ADGRE3: variants seen among roughly 807,000 people sequenced by gnomAD.
ADGRE3 encodes adhesion G protein-coupled receptor E3, also known as EGF-like module receptor 3.
In ADGRE3, 88 loss-of-function variants were observed where a neutral mutation model predicts 80.1. The ratio of observed to expected loss-of-function variants is 1.10; its 90% confidence interval spans 0.93 to 1.31. The LOEUF (loss-of-function observed/expected upper bound fraction) is 1.31, where lower values mean the gene tolerates loss of function less well. Among genes scored for constraint, ADGRE3 ranks in the 40% most tolerant of loss-of-function variants. The probability of loss-of-function intolerance (pLI) is 0.00; values close to 1 mark genes in which losing one functional copy is unlikely to be tolerated. For missense variants in ADGRE3, 715 were observed against 776.5 expected (o/e 0.92, Z 0.94); for synonymous variants, 281 against 294.8 (o/e 0.95, Z 0.48).
chr19:14,668,852 C>T lies in ADGRE3; in HGVS notation c.26G>A (p.Gly9Asp). The T allele has an allele frequency of 6.2e-7, 1 of 1,613,818 alleles. No individual in the cohort carries two copies. Among genetic ancestry groups the T allele is most frequent in the Non-Finnish European group, 8.5e-7 (1 of 1,179,910 alleles). MQGPLLLP[G>D]LCFLLSLFGA... ...AAAGAGGCTCAGCAGAAAGCAGAGGCCTGGAATAGATGGGAAACAGAAGGG... is the reference window on the plus strand; with the variant it reads ...AAAGAGGCTCAGCAGAAAGCAGAGGTCTGGAATAGATGGGAAACAGAAGGG... The change falls in exon 2 of 16, where the codon GGC becomes GAC. Residue 9 changes from glycine to aspartate, a missense_variant and splice_region_variant. Physicochemically the swap from Gly to Asp is moderately conservative, Grantham distance 94. Coordinates refer to ENST00000253673, the MANE Select transcript of ADGRE3 (RefSeq NM_032571.5).
intron 2 of ADGRE3, among the ~76,000 whole-genome samples, chr19:14,666,079 T>C (rs1568500954): frequency 6.7e-6 from 1 of 149,046 alleles, no homozygotes; most frequent in Non-Finnish European, 1.5e-5. Flanking sequence ...TGCAAGTATG[T>C]TTTTTGTACA....
In ADGRE3 at chr19:14,647,434, C is replaced by T. The variant is rs1387201012; in HGVS notation, c.698-69G>A. On this transcript the variant is annotated intron_variant, in intron 7 of 15. Coordinates refer to ENST00000253673, the MANE Select transcript of ADGRE3 (RefSeq NM_032571.5). ...TCTTTTTTTTTTTTTTTTTTTGAGA[C>T]GGAGTCTCGCTCTTGTCGCCCAGCC... 27 of 1,085,574 alleles carry T rather than the reference C, an allele frequency of 2.5e-5. 1 individual carries two copies. The East Asian group carries it at 2.7e-4, about 11-fold the overall frequency. The allele number at this position is 1,085,574 out of a possible 1,614,324, so 67.2% of individuals were successfully genotyped here.
At position 14,625,226 on chromosome 19, in the gene ADGRE3, C is replaced by A. The variant is rs1970704882; in HGVS notation, c.1920+266G>T. On this transcript the variant is annotated intron_variant, in intron 15 of 15. Coordinates refer to ENST00000253673, the MANE Select transcript of ADGRE3 (RefSeq NM_032571.5). ...AACTCCTGACCTCAGGTGATGCACC[C>A]ACCTTGGCCTCCCAAAATGCTGGGA... Among the ~76,000 whole-genome samples, 7 of 152,212 alleles carry A rather than the reference C, an allele frequency of 4.6e-5. No homozygotes were observed. The South Asian group carries it at 1.4e-3, about 32-fold the overall frequency.
At chr19:14,608,948 C>T in the ADGRE3 span, among the ~76,000 whole-genome samples, 12 of 151,892 alleles carry the variant, frequency 7.9e-5, no homozygotes, top group African/African-American at 1.9e-4. Flanking sequence ...TACAGGCGCC[C>T]GCCACCATGC....
At chr19:14,668,773 A>T in intron 2 of ADGRE3, 29 bp downstream of exon 2, 1 of 1,609,106 alleles carries the variant, frequency 6.2e-7, no homozygotes, top group Non-Finnish European at 8.5e-7. Flanking sequence ...TTGGTCCACA[A>T]GTTCTCTGTT....
chr19:14,654,949 C>G, intron 6 of ADGRE3, 33 bp downstream of exon 6: 1 of 1,583,422 alleles, frequency 6.3e-7, no homozygotes, highest in Non-Finnish European at 8.6e-7. Context: ...CTAACCAGTC[C>G]CCAGGGTGTA....
At chr19:14,636,312 C>T (rs746317843) in intron 11 of ADGRE3, among the ~76,000 whole-genome samples, 10 of 149,440 alleles carry the variant, frequency 6.7e-5, no homozygotes, top group Admixed American at 1.4e-4. Context: ...TTCCACCTCC[C>T]GGGTTCAAGC....
chr19:14,620,568 A>ATTTTT (rs1189295641), intron 15 of ADGRE3, among the ~76,000 whole-genome samples: 6 of 11,054 alleles, frequency 5.4e-4, no homozygotes, highest in East Asian at 2.9e-3. Context: ...ATATATATAT[A>ATTTTT]TTTTTTTTTT....
intron 4 of ADGRE3, among the ~76,000 whole-genome samples, chr19:14,661,492 A>G (rs1228587150): frequency 6.6e-6 from 1 of 152,114 alleles, no homozygotes; most frequent in East Asian, 1.9e-4. Flanking sequence ...TCTTCCTTGC[A>G]ATTCAAAGAA....
In ADGRE3 at chr19:14,636,133, T is replaced by TTCCTTC. The variant is rs1555755829; in HGVS notation, c.1484+1971_1484+1972insGAAGGA. Among the ~76,000 whole-genome samples the TTCCTTC allele has an allele frequency of 3.9e-3, 149 of 37,802 alleles. 8 individuals are homozygous for TTCCTTC. Among genetic ancestry groups the TTCCTTC allele is most frequent in the South Asian group, 0.023 (10 of 432 alleles). The allele number at this position is 37,802 out of a possible 152,430, so 24.8% of individuals were successfully genotyped here. A position where few individuals can be genotyped will look rare whatever the true frequency, so the allele number is the denominator to read the frequency against. On this transcript the variant is annotated intron_variant, in intron 11 of 15. Transcript: ENST00000253673. Reference sequence around the variant, plus strand: ...TTCTTTCTTTCTTTCTTTCTTTCTTTCTTTCTTTCTTTCTTTCTTCCTTTC... The same window carrying TTCCTTC: ...TTCTTTCTTTCTTTCTTTCTTTCTTTTCCTTCCTTTCTTTCTTTCTTTCTTCCTTTC...
rs768962217 is a variant in ADGRE3 at position 14,636,053 on chromosome 19, CTTCCTTCCT to C, written c.1484+2043_1484+2051del. Among the ~76,000 whole-genome samples, 276 of 70,344 alleles carry C rather than the reference CTTCCTTCCT, an allele frequency of 3.9e-3. 24 individuals carry two copies. Among genetic ancestry groups the C allele is most frequent in the Middle Eastern group, 0.017 (3 of 176 alleles). The allele number at this position is 70,344 out of a possible 152,430, so 46.1% of individuals were successfully genotyped here. ...CCTTCCTTCCTTCCTTCCTTCCTTC[CTTCCTTCCT>C]TTCCTTTCCTTTCCTTTCCCTTTCT... On this transcript the variant is annotated intron_variant, in intron 11 of 15. Transcript: ENST00000253673.
At chr19:14,670,352 C>T (rs964527619) in intron 1 of ADGRE3, among the ~76,000 whole-genome samples, 3 of 152,160 alleles carry the variant, frequency 2.0e-5, no homozygotes, top group Non-Finnish European at 4.4e-5. Flanking sequence ...TGCATTTCCT[C>T]TTGACACTCA....
At chr19:14,635,409 ATT>A (rs1253660919) in intron 11 of ADGRE3, among the ~76,000 whole-genome samples, 23 of 120,566 alleles carry the variant, frequency 1.9e-4, no homozygotes, top group Non-Finnish European at 1.8e-4. Context: ...CTGGTCTTCC[ATT>A]TTTTTTTTTT....
At chr19:14,606,360 G>A in the ADGRE3 span, among the ~76,000 whole-genome samples, 2 of 146,068 alleles carry the variant, frequency 1.4e-5, no homozygotes, top group Non-Finnish European at 3.0e-5. Context: ...GGTTGACAGA[G>A]TGAGACCCTG....
At chr19:14,613,001 C>T in the ADGRE3 span, among the ~76,000 whole-genome samples, 3 of 151,740 alleles carry the variant, frequency 2.0e-5, no homozygotes, top group African/African-American at 7.3e-5. Flanking sequence ...TCTCGGCTCA[C>T]TGCAACCTCT....
In ADGRE3 at chr19:14,638,102, C is replaced by T. The variant is rs745387403; in HGVS notation, c.1484+3G>A. The stretch of plus-strand genomic sequence containing the variant: ...CATGACACAAGGTGGGATTCAAGCT[C>T]ACCGATCAGCAGTTCCATAAAGGTG... On this transcript the variant is annotated splice_donor_region_variant and intron_variant, in intron 11 of 15. Transcript: ENST00000253673. 3 of 1,609,734 alleles carry T rather than the reference C, an allele frequency of 1.9e-6. No homozygotes were observed. In the East Asian group the frequency reaches 6.7e-5, roughly 36 times the overall value.
chr19:14,664,699 G>A (rs767139490), intron 2 of ADGRE3, among the ~76,000 whole-genome samples: 5 of 151,920 alleles, frequency 3.3e-5, no homozygotes, highest in Non-Finnish European at 1.5e-5. Context: ...ACAGAGTGAG[G>A]CTCTGTCTCT....
intron 8 of ADGRE3, among the ~76,000 whole-genome samples, chr19:14,645,013 G>A (rs1217139092): frequency 4.6e-5 from 7 of 152,032 alleles, no homozygotes; most frequent in Non-Finnish European, 7.4e-5. Flanking sequence ...GGCATGAGCC[G>A]CTGTACCTGA....
At chr19:14,662,373 G>A (rs1032860785) in intron 3 of ADGRE3, among the ~76,000 whole-genome samples, 1 of 152,128 alleles carries the variant, frequency 6.6e-6, no homozygotes, top group Non-Finnish European at 1.5e-5. Flanking sequence ...GGGCAGTCGC[G>A]AAATGAAACA....
Sources: gnomAD v4.1 joint callset for allele counts (sites outside exome capture counted in the v4.1 genomes callset) on GRCh38, gnomAD v4.1.1 for gene constraint, MANE v1.5 for transcripts, NCBI Gene and HGNC (gene_info 2026-07-23, HGNC 2026-07-21) for gene names.